Variants in CFAP44 observed in about 807,000 individuals in gnomAD.
The protein encoded by CFAP44 is cilia and flagella associated protein 44, also known as cilia- and flagella-associated protein 44.
In CFAP44, 134 loss-of-function variants were observed where a neutral mutation model predicts 216.2. That is an observed-to-expected ratio of 0.62 (90% CI 0.54 to 0.72). The LOEUF (loss-of-function observed/expected upper bound fraction) is 0.72, where lower values mean the gene tolerates loss of function less well. CFAP44 is among the 30% of genes least tolerant of loss of function. The pLI is 0.00. For missense variants in CFAP44, 2,035 were observed against 2,182.1 expected, an observed-to-expected ratio of 0.93 and a Z score of 1.34; for synonymous variants, 700 against 727.6, an observed-to-expected ratio of 0.96 and a Z score of 0.61.
At chr3:113,307,264 A>T (rs1949995179) in intron 29 of CFAP44, among the ~76,000 whole-genome samples, 1 of 152,248 alleles carries the variant, frequency 6.6e-6, no homozygotes, top group African/African-American at 2.4e-5. Flanking sequence ...ATATATATGT[A>T]AATTACAGTC....
intron 15 of CFAP44, among the ~76,000 whole-genome samples, chr3:113,386,706 T>G (rs1933661426): frequency 6.6e-6 from 1 of 152,096 alleles, no homozygotes; most frequent in Non-Finnish European, 1.5e-5. Context: ...AACAACTATC[T>G]ACACACACAC....
At chr3:113,292,037 A>G (rs1398960576) in intron 34 of CFAP44, among the ~76,000 whole-genome samples, 1 of 152,136 alleles carries the variant, frequency 6.6e-6, no homozygotes, top group Non-Finnish European at 1.5e-5. Context: ...ATAATAAAAG[A>G]CAGAGTATGT....
At chr3:113,301,692 TACAC>T (rs1302244064) in intron 32 of CFAP44, among the ~76,000 whole-genome samples, 4 of 152,198 alleles carry the variant, frequency 2.6e-5, no homozygotes, top group Admixed American at 2.6e-4. Flanking sequence ...TGTTTTGAAA[TACAC>T]ACACATTGTG....
chr3:113,294,848 G>A, intron 33 of CFAP44, 27 bp from the exon 34 acceptor site: 1 of 1,508,982 alleles, frequency 6.6e-7, no homozygotes, highest in African/African-American at 1.4e-5. Flanking sequence ...ATGCAAAATA[G>A]ATGTAGTGAA....
intron 6 of CFAP44, 65 bp from the exon 7 acceptor site, chr3:113,409,387 T>TA: frequency 2.4e-5 from 35 of 1,456,950 alleles, no homozygotes; most frequent in African/African-American, 2.8e-5. Context: ...AAACATATTG[T>TA]AAAAAAAAGA....
At chr3:113,329,375 A>G (rs1950221088) in intron 26 of CFAP44, among the ~76,000 whole-genome samples, 1 of 152,220 alleles carries the variant, frequency 6.6e-6, no homozygotes, top group Non-Finnish European at 1.5e-5. Context: ...GAAACAGCAA[A>G]GGAAAAAGCA....
rs959707908 is a variant in CFAP44, at chr3:113,304,106, C to T, written c.4887G>A (p.Val1629=). Residue 1629 remains valine (V), a synonymous_variant, in exon 32 of 35, where the codon GTG becomes GTA. Coordinates refer to ENST00000393845, the MANE Select transcript of CFAP44 (RefSeq NM_001164496.2). ...GATCGCTAGGTATTTCTCCAAATACCACATACTCTATCTACAAGCATAAAA... is the reference window on the plus strand; with the variant it reads ...GATCGCTAGGTATTTCTCCAAATACTACATACTCTATCTACAAGCATAAAA... ...IPLKLHQIEY[V]VFGEIPSDLS... The T allele has an allele frequency of 6.5e-7, 1 of 1,536,794 alleles. No individual in the cohort carries two copies. Among genetic ancestry groups the T allele is most frequent in the Non-Finnish European group, 8.7e-7 (1 of 1,146,798 alleles).
chr3:113,379,363 G>T lies in CFAP44; in HGVS notation c.2241C>A (p.Thr747=). ...AAAATCCACAGAGGATGGGAGAGGG[G>T]GTTGACGGAATAAATATTTCAGGTA... ...EPLPEIFIPS[T]PSPILCGFYS... Residue 747 remains threonine (T), a synonymous_variant, in exon 17 of 35, where the codon ACC becomes ACA. Coordinates refer to ENST00000393845, the MANE Select transcript of CFAP44 (RefSeq NM_001164496.2). 1 of 1,612,748 alleles carries T rather than the reference G, an allele frequency of 6.2e-7. No individual in the cohort carries two copies.
chr3:113,297,094 G>A (rs1333235551), intron 32 of CFAP44, among the ~76,000 whole-genome samples: 1 of 152,096 alleles, frequency 6.6e-6, no homozygotes, highest in Admixed American at 6.5e-5. Context: ...TGAATCCTGT[G>A]TAAAACTGAC....
chr3:113,341,982 T>A, intron 23 of CFAP44, 64 bp from the exon 24 acceptor site: 1 of 1,442,846 alleles, frequency 6.9e-7, no homozygotes, highest in Middle Eastern at 1.9e-4. Flanking sequence ...TCAGATATTG[T>A]TTTTAACCTG....
At chr3:113,419,231 A>G (rs1934739944) in intron 5 of CFAP44, among the ~76,000 whole-genome samples, 1 of 152,062 alleles carries the variant, frequency 6.6e-6, no homozygotes, top group African/African-American at 2.4e-5. Context: ...CACGACCCTT[A>G]CATTGGGCCC....
chr3:113,317,105 G>A (rs941773324), intron 28 of CFAP44, among the ~76,000 whole-genome samples: 6 of 152,176 alleles, frequency 3.9e-5, no homozygotes, highest in Non-Finnish European at 8.8e-5. Context: ...TCCCCAAACA[G>A]CTACTGGGAA....
chr3:113,378,916 C>T (rs1008795189), intron 17 of CFAP44, among the ~76,000 whole-genome samples: 14 of 152,140 alleles, frequency 9.2e-5, no homozygotes, highest in Non-Finnish European at 7.4e-5. Flanking sequence ...GCCATGAAAG[C>T]TATTCTTTTC....
intron 24 of CFAP44, among the ~76,000 whole-genome samples, chr3:113,340,542 T>C (rs1006319138): frequency 6.6e-6 from 1 of 152,160 alleles, no homozygotes; most frequent in Non-Finnish European, 1.5e-5. Flanking sequence ...AAAGGTTCCC[T>C]TGTCCCCCTC....
At chr3:113,416,055 T>C (rs921786949) in intron 6 of CFAP44, among the ~76,000 whole-genome samples, 1 of 152,214 alleles carries the variant, frequency 6.6e-6, no homozygotes, top group Non-Finnish European at 1.5e-5. Context: ...ATTGGATGTA[T>C]ACATATTCAG....
chr3:113,340,079 C>T (rs1433588359), intron 24 of CFAP44, among the ~76,000 whole-genome samples: 2 of 152,182 alleles, frequency 1.3e-5, no homozygotes, highest in African/African-American at 4.8e-5. Context: ...TTCTCCCGCC[C>T]TGCTCGTGAC....
In CFAP44 at chr3:113,330,734, T is replaced by A. The variant is rs1450967236; in HGVS notation, c.3616-66A>T. On this transcript the variant is annotated intron_variant, in intron 25 of 34. Coordinates refer to ENST00000393845, the MANE Select transcript of CFAP44 (RefSeq NM_001164496.2). Reference sequence around the variant, plus strand: ...TGACAAATAACTGTATGGAATATGATCTGCTCTTTTCTGTTGCTGAAAGGC... The same window carrying A: ...TGACAAATAACTGTATGGAATATGAACTGCTCTTTTCTGTTGCTGAAAGGC... The A allele has an allele frequency of 6.3e-6, 9 of 1,438,000 alleles. No individual in the cohort carries two copies. In the Admixed American group the frequency reaches 2.6e-4, roughly 42 times the overall value. 89.1% of individuals were successfully genotyped at this position (1,438,000 alleles called of 1,614,324 possible). A position where few individuals can be genotyped will look rare whatever the true frequency, so the allele number is the denominator to read the frequency against.
intron 4 of CFAP44, among the ~76,000 whole-genome samples, chr3:113,425,590 G>C (rs1934938815): frequency 6.6e-6 from 1 of 152,190 alleles, no homozygotes; most frequent in African/African-American, 2.4e-5. Flanking sequence ...ACAATGGACA[G>C]ACACATAAGT....
intron 29 of CFAP44, among the ~76,000 whole-genome samples, chr3:113,307,221 A>G (rs895805476): frequency 6.6e-6 from 1 of 152,218 alleles, no homozygotes; most frequent in African/African-American, 2.4e-5. Flanking sequence ...CAAAAATTTG[A>G]ATAGGTTTGT....
Sources: gnomAD v4.1 joint callset for allele counts (sites outside exome capture counted in the v4.1 genomes callset) on GRCh38, gnomAD v4.1.1 for gene constraint, MANE v1.5 for transcripts, NCBI Gene and HGNC (gene_info 2026-07-23, HGNC 2026-07-21) for gene names.